The following CAMTA1 variants were observed in gnomAD, a reference collection of about 807,000 sequenced individuals.
The protein encoded by CAMTA1 is calmodulin binding transcription activator 1.
A neutral mutation model predicts 170.9 loss-of-function variants in CAMTA1; 27 were observed. The observed-to-expected ratio is 0.16, with a 90% confidence interval of 0.12 to 0.22. The LOEUF is 0.22. Ranked by LOEUF, CAMTA1 falls within the 10% of genes least tolerant of loss-of-function variation. CAMTA1 has a pLI of 1.00. For synonymous variants in CAMTA1, 833 were observed against 891.5 expected, an observed-to-expected ratio of 0.93 and a Z score of 1.17; for missense variants, 1,619 against 2,217.2, an observed-to-expected ratio of 0.73 and a Z score of 5.42.
intron 5 of CAMTA1, among the ~76,000 whole-genome samples, chr1:7,297,587 TC>T (rs1674151156): frequency 6.6e-6 from 1 of 152,226 alleles, no homozygotes. Flanking sequence ...AACCAAGTAC[TC>T]ACAGGGTACC....
In CAMTA1 at chr1:7,253,891, A is replaced by G. The variant is rs190248342; in HGVS notation, c.438+4265A>G. Among the ~76,000 whole-genome samples the G allele has an allele frequency of 3.1e-4, 47 of 152,270 alleles. No individual in the cohort carries two copies. In the East Asian group the frequency reaches 8.0e-3, roughly 26 times the overall value. ...ATTGGAGGCTTTCTATCCACCTAGT[A>G]TGGCAATAGGTGCTGGGATGCAGTG... On this transcript the variant is annotated intron_variant, in intron 5 of 22. Transcript: ENST00000303635.
intron 6 of CAMTA1, among the ~76,000 whole-genome samples, chr1:7,544,174 T>G (rs912500487): frequency 6.6e-6 from 1 of 152,082 alleles, no homozygotes; most frequent in Non-Finnish European, 1.5e-5. Flanking sequence ...AGAATCATGG[T>G]GGGAAGCAAA....
intron 4 of CAMTA1, among the ~76,000 whole-genome samples, chr1:7,225,598 C>T (rs539715175): frequency 7.9e-5 from 12 of 152,274 alleles, no homozygotes; most frequent in Non-Finnish European, 1.5e-4. Flanking sequence ...GTGGCGAGGC[C>T]GGCACCCCAG....
chr1:7,114,128 C>G (rs887193477), intron 4 of CAMTA1, among the ~76,000 whole-genome samples: 40 of 152,184 alleles, frequency 2.6e-4, no homozygotes, highest in Non-Finnish European at 1.0e-4. Context: ...TCTGTTGATT[C>G]TGCAGAGCAC....
chr1:7,004,545 T>C (rs1698701350), intron 3 of CAMTA1, among the ~76,000 whole-genome samples: 1 of 152,134 alleles, frequency 6.6e-6, no homozygotes. Flanking sequence ...CAAGTCTGTT[T>C]GTTGTGAAAT....
intron 5 of CAMTA1, among the ~76,000 whole-genome samples, chr1:7,385,147 T>C (rs2087798751): frequency 1.3e-5 from 2 of 149,436 alleles, no homozygotes; most frequent in Admixed American, 6.7e-5. Context: ...TAGAGTGCAG[T>C]GGCGTGATCT....
At chr1:6,910,488 C>G (rs1679463796) in intron 3 of CAMTA1, among the ~76,000 whole-genome samples, 3 of 152,202 alleles carry the variant, frequency 2.0e-5, no homozygotes, top group African/African-American at 4.8e-5. Context: ...ACATTGGAGG[C>G]TCAGCTCATT....
rs1700238411 is a variant in CAMTA1, at chr1:7,014,375, G to C, written c.235-76929G>C. On this transcript the variant is annotated intron_variant, in intron 3 of 22. Coordinates refer to ENST00000303635, the MANE Select transcript of CAMTA1 (RefSeq NM_015215.4). This position sits in a 1 kb window ranked among gnomAD's most constrained non-coding sequence, Gnocchi z 4.2. ...CTATAAACAGCCCAGGAGTCCTGAG[G>C]GGGTTGGAGAGTTGGTCAACCGTGA... The C allele has an allele frequency of 1.3e-5, 2 of 152,322 alleles. No individual in the cohort carries two copies. The highest frequency in any genetic ancestry group is 2.9e-5 in the Non-Finnish European group (2 of 68,118). The allele number at this position is 152,322 out of a possible 1,614,324, so 9.4% of individuals were successfully genotyped here.
At chr1:6,917,751 G>T (rs562110869) in intron 3 of CAMTA1, among the ~76,000 whole-genome samples, 6 of 149,628 alleles carry the variant, frequency 4.0e-5, no homozygotes, top group African/African-American at 1.5e-4. Context: ...TTTGGGAGTA[G>T]AGAGGAAGAC....
intron 4 of CAMTA1, among the ~76,000 whole-genome samples, chr1:7,096,274 C>T (rs1398092675): frequency 6.6e-6 from 1 of 152,138 alleles, no homozygotes; most frequent in Non-Finnish European, 1.5e-5. Flanking sequence ...TGACCCCATC[C>T]GTCCATTCCG....
At chr1:7,707,314 TA>T (rs1333375711) in intron 11 of CAMTA1, among the ~76,000 whole-genome samples, 4 of 152,344 alleles carry the variant, frequency 2.6e-5, no homozygotes, top group Non-Finnish European at 4.4e-5. Flanking sequence ...GAGTATTATT[TA>T]CTTAATATGA....
chr1:6,974,542 G>A (rs970957561), intron 3 of CAMTA1, among the ~76,000 whole-genome samples: 7 of 152,186 alleles, frequency 4.6e-5, no homozygotes, highest in Middle Eastern at 3.2e-3. Context: ...GGAGTGAGGC[G>A]AGGCCAGGGA....
At chr1:6,966,804 A>C (rs891212434) in intron 3 of CAMTA1, among the ~76,000 whole-genome samples, 1 of 150,670 alleles carries the variant, frequency 6.6e-6, no homozygotes, top group Admixed American at 6.6e-5. Context: ...TAGAGACTGG[A>C]TTTCACCGTG....
At chr1:7,160,083 C>T (rs1227534201) in intron 4 of CAMTA1, among the ~76,000 whole-genome samples, 1 of 152,056 alleles carries the variant, frequency 6.6e-6, no homozygotes, top group Non-Finnish European at 1.5e-5. Flanking sequence ...AACCCCATCT[C>T]TACTAAAATA....
rs544760331 is a variant in CAMTA1 at position 7,166,553 on chromosome 1, G to A, written c.302+75182G>A. ...CTTTGTCTTCATTTCTACTTTCCTT[G>A]CTACAGTGAGGCTGAGCTTCTTCTC... On this transcript the variant is annotated intron_variant, in intron 4 of 22. Transcript: ENST00000303635. Among the ~76,000 whole-genome samples the A allele has an allele frequency of 7.7e-4, 117 of 152,192 alleles. 1 individual carries two copies. The highest frequency in any genetic ancestry group is 2.6e-3 in the African/African-American group (106 of 41,520).
rs2092959674 is a variant in CAMTA1, at chr1:7,456,671, A to G, written c.439-11159A>G. ...GGCCCGCAGGGAGCCAGGTATCAGG[A>G]CAGATTTCTGAGACACGAAAGGTGC... On this transcript the variant is annotated intron_variant, in intron 5 of 22. Coordinates refer to ENST00000303635, the MANE Select transcript of CAMTA1 (RefSeq NM_015215.4). The surrounding 1 kb of genome is among the most constrained non-coding windows in gnomAD (Gnocchi z 4.9). 6.6e-6 allele frequency among the ~76,000 whole-genome samples: 1 copy of G among 152,192 alleles called. No individual in the cohort carries two copies. The highest frequency in any genetic ancestry group is 1.5e-5 in the Non-Finnish European group (1 of 68,034).
chr1:7,450,169 G>A (rs2092789179), intron 5 of CAMTA1, among the ~76,000 whole-genome samples: 1 of 152,174 alleles, frequency 6.6e-6, no homozygotes, highest in Non-Finnish European at 1.5e-5. Flanking sequence ...ATGTGTACAA[G>A]TCCTGAGCCT....
intron 4 of CAMTA1, among the ~76,000 whole-genome samples, chr1:7,131,332 T>C (rs1238748789): frequency 6.6e-6 from 1 of 152,158 alleles, no homozygotes; most frequent in Non-Finnish European, 1.5e-5. Context: ...GACTATTTTT[T>C]CATGGTTCAT....
intron 5 of CAMTA1, among the ~76,000 whole-genome samples, chr1:7,330,113 C>T (rs1218985834): frequency 6.6e-6 from 1 of 152,074 alleles, no homozygotes; most frequent in Non-Finnish European, 1.5e-5. Flanking sequence ...TAACCTTGAG[C>T]CATTACTACC....
Sources: allele counts gnomAD v4.1 joint callset (sites outside exome capture counted in the v4.1 genomes callset), GRCh38; gene constraint gnomAD v4.1.1; non-coding constraint Gnocchi (gnomAD v3.1); transcripts MANE v1.5; gene names NCBI Gene and HGNC (gene_info 2026-07-23, HGNC 2026-07-21).